Variants in PPARGC1A observed in about 807,000 individuals in gnomAD.
The protein encoded by PPARGC1A is peroxisome proliferator-activated receptor gamma coactivator 1-alpha.
In PPARGC1A, 25 loss-of-function variants were observed where a neutral mutation model predicts 88.7. The ratio of observed to expected loss-of-function variants is 0.28; its 90% CI spans 0.21 to 0.39. The LOEUF (loss-of-function observed/expected upper bound fraction) is 0.39. PPARGC1A is among the 10% of genes least tolerant of loss of function. PPARGC1A has a pLI of 1.00. For missense variants in PPARGC1A, 880 were observed against 968.7 expected (o/e 0.91, Z 1.22); for synonymous variants, 363 against 355.6 (o/e 1.02, Z -0.24).
At position 23,796,360 on chromosome 4, in the gene PPARGC1A, C is replaced by T. The variant is rs1717605436; in HGVS notation, c.2294-435G>A. On this transcript the variant is annotated intron_variant, in intron 12 of 12. Transcript: ENST00000264867. ...TGAGAGAAAGAATCATGAGAATTTC[C>T]CCTAAACTTCAACCTGATGCTTCTC... is the stretch of plus-strand genomic sequence containing the variant. 2.0e-5 allele frequency among the ~76,000 whole-genome samples: 3 copies of T among 152,022 alleles called. No individual in the cohort carries two copies. The South Asian group carries it at 6.2e-4, about 32-fold the overall frequency.
chr4:24,437,012 C>G, the PPARGC1A span, among the ~76,000 whole-genome samples: 1 of 152,150 alleles, frequency 6.6e-6, no homozygotes, highest in Non-Finnish European at 1.5e-5. Flanking sequence ...TGGGTATTTT[C>G]TTTGCCAACA....
chr4:23,844,205 A>C (rs1463969210), intron 2 of PPARGC1A, among the ~76,000 whole-genome samples: 1 of 149,322 alleles, frequency 6.7e-6, no homozygotes, highest in African/African-American at 2.5e-5. Context: ...CATACAAAAA[A>C]ATTATTTTTA....
At chr4:23,883,053 G>A (rs1716243353) in intron 2 of PPARGC1A, 2 of 152,140 alleles carry the variant, frequency 1.3e-5, no homozygotes, top group Non-Finnish European at 1.5e-5. Context: ...TTTATTTAAT[G>A]CAGCATGACT....
chr4:24,222,812 T>C, the PPARGC1A span, among the ~76,000 whole-genome samples: 1 of 152,214 alleles, frequency 6.6e-6, no homozygotes, highest in African/African-American at 2.4e-5. Flanking sequence ...AAGTTAGTAT[T>C]ATACTACTTT....
intron 2 of PPARGC1A, among the ~76,000 whole-genome samples, chr4:23,869,680 C>CG (rs1037124206): frequency 5.3e-4 from 14 of 26,298 alleles, no homozygotes; most frequent in East Asian, 1.2e-3. Flanking sequence ...GCGGGGTGGG[C>CG]GGGGGGGCAG....
chr4:23,919,097 A>T, the PPARGC1A span, among the ~76,000 whole-genome samples: 1 of 152,076 alleles, frequency 6.6e-6, no homozygotes, highest in Non-Finnish European at 1.5e-5. Context: ...AATTTCATCA[A>T]TTGGATAGGT....
chr4:24,161,261 G>A, the PPARGC1A span, among the ~76,000 whole-genome samples: 2 of 152,184 alleles, frequency 1.3e-5, no homozygotes, highest in African/African-American at 4.8e-5. Context: ...CTCAAATCTA[G>A]CTATGTACTC....
chr4:24,095,115 C>CTTTTTTT, the PPARGC1A span, among the ~76,000 whole-genome samples: 1 of 122,404 alleles, frequency 8.2e-6, no homozygotes. Flanking sequence ...GAAATAGGGT[C>CTTTTTTT]TTTTTTTTTT....
chr4:23,890,328 A>T (rs1476614164), upstream of PPARGC1A: 2 of 194,372 alleles, frequency 1.0e-5, no homozygotes, highest in African/African-American at 4.6e-5. Flanking sequence ...AATGCCACAG[A>T]CTCTAAACGG....
the PPARGC1A span, among the ~76,000 whole-genome samples, chr4:24,245,942 C>T: frequency 3.1e-3 from 469 of 151,816 alleles, 3 homozygotes; most frequent in African/African-American, 0.011. Context: ...CACACACACA[C>T]ACACACACAC....
the PPARGC1A span, among the ~76,000 whole-genome samples, chr4:24,368,951 A>C: frequency 6.6e-6 from 1 of 152,130 alleles, no homozygotes; most frequent in Middle Eastern, 3.2e-3. Flanking sequence ...TCTCCTGACA[A>C]TGGAATGGAG....
chr4:23,885,684 G>A (rs151240363), intron 1 of PPARGC1A, among the ~76,000 whole-genome samples: 338 of 152,220 alleles, frequency 2.2e-3, no homozygotes, highest in African/African-American at 6.8e-3. Context: ...ACACGTATGT[G>A]TGTGTACGGT....
the PPARGC1A span, among the ~76,000 whole-genome samples, chr4:24,249,798 G>A: frequency 6.6e-6 from 1 of 152,130 alleles, no homozygotes; most frequent in Non-Finnish European, 1.5e-5. Context: ...ACGTCCCTAA[G>A]CCTCAATTTC....
intron 1 of PPARGC1A, among the ~76,000 whole-genome samples, chr4:23,886,668 C>T (rs554730097): frequency 3.7e-4 from 57 of 152,144 alleles, no homozygotes; most frequent in African/African-American, 1.1e-3. Context: ...GAAGAGATCT[C>T]GTTCTGGTAC....
intron 7 of PPARGC1A, among the ~76,000 whole-genome samples, chr4:23,816,099 C>G (rs1721938391): frequency 6.6e-6 from 1 of 152,182 alleles, no homozygotes; most frequent in Admixed American, 6.5e-5. Context: ...AAAGCTAATT[C>G]TCCCTGAGAG....
the PPARGC1A span, among the ~76,000 whole-genome samples, chr4:24,384,458 C>T: frequency 6.6e-6 from 1 of 151,304 alleles, no homozygotes; most frequent in Non-Finnish European, 1.5e-5. Context: ...GGAGTCAAGA[C>T]CTATCAATGT....
At chr4:24,050,199 G>T in the PPARGC1A span, among the ~76,000 whole-genome samples, 108,143 of 134,042 alleles carry the variant, frequency 0.81, 45,175 homozygotes, top group Non-Finnish European at 0.9. Flanking sequence ...GTGACCTTTT[G>T]TTTTTTTTTT....
chr4:23,951,180 A>G, the PPARGC1A span, among the ~76,000 whole-genome samples: 1 of 152,126 alleles, frequency 6.6e-6, no homozygotes, highest in African/African-American at 2.4e-5. Flanking sequence ...TGATGTATAA[A>G]TGATAACACA....
At chr4:24,164,646 C>T in the PPARGC1A span, among the ~76,000 whole-genome samples, 1 of 152,102 alleles carries the variant, frequency 6.6e-6, no homozygotes, top group East Asian at 1.9e-4. Context: ...TTTGTTTTAT[C>T]CTTTCAAATT....
Sources: allele counts gnomAD v4.1 joint callset (sites outside exome capture counted in the v4.1 genomes callset), GRCh38; gene constraint gnomAD v4.1.1; transcripts MANE v1.5; gene names NCBI Gene and HGNC (gene_info 2026-07-23, HGNC 2026-07-21).